The following CACNA2D3 variants were observed in gnomAD, a reference collection of about 807,000 sequenced individuals.
CACNA2D3 encodes calcium voltage-gated channel auxiliary subunit alpha2delta 3, also known as voltage-dependent calcium channel subunit alpha-2/delta-3.
Under a neutral mutation model 160.6 loss-of-function variants are expected in CACNA2D3, and 60 were observed. The ratio of observed to expected loss-of-function variants is 0.37; its 90% CI spans 0.30 to 0.46. The LOEUF (loss-of-function observed/expected upper bound fraction) is 0.46, where lower values mean the gene tolerates loss of function less well. Among genes scored for constraint, CACNA2D3 ranks in the 20% least tolerant of loss-of-function variants. The pLI is 1.00. For synonymous variants in CACNA2D3, 558 were observed against 492.9 expected, an observed-to-expected ratio of 1.13 and a Z score of -1.75; for missense variants, 1,205 against 1,365.0, an observed-to-expected ratio of 0.88 and a Z score of 1.85.
intron 2 of CACNA2D3, among the ~76,000 whole-genome samples, chr3:54,261,237 T>A (rs1702394958): frequency 6.6e-6 from 1 of 152,248 alleles, no homozygotes; most frequent in African/African-American, 2.4e-5. Context: ...ACATGGATGC[T>A]TTGATTCTTA....
chr3:54,184,587 C>T (rs1171429117), intron 2 of CACNA2D3, among the ~76,000 whole-genome samples: 2 of 152,214 alleles, frequency 1.3e-5, no homozygotes, highest in Admixed American at 6.5e-5. Flanking sequence ...TCATCTTTCC[C>T]TTGCCTTCAT....
chr3:54,375,028 A>G (rs1478900256), intron 3 of CACNA2D3, among the ~76,000 whole-genome samples: 1 of 151,996 alleles, frequency 6.6e-6, no homozygotes, highest in East Asian at 1.9e-4. Context: ...TTGCCACTGT[A>G]CTTGCAGTTC....
chr3:54,413,729 C>T (rs1009134892), intron 4 of CACNA2D3, among the ~76,000 whole-genome samples: 3 of 150,984 alleles, frequency 2.0e-5, no homozygotes, highest in African/African-American at 7.3e-5. Context: ...ATTTTTAGTT[C>T]CTGGATTTTC....
chr3:54,394,108 A>C (rs1273590469), intron 4 of CACNA2D3, among the ~76,000 whole-genome samples: 1 of 151,934 alleles, frequency 6.6e-6, no homozygotes, highest in South Asian at 2.1e-4. Flanking sequence ...CTGGTTCCCA[A>C]ATTGCAGCTT....
At chr3:54,776,516 A>G (rs1375458942) in intron 13 of CACNA2D3, among the ~76,000 whole-genome samples, 1 of 152,136 alleles carries the variant, frequency 6.6e-6, no homozygotes, top group Non-Finnish European at 1.5e-5. Flanking sequence ...CCCTGTCTCC[A>G]ATTTAAAAAA....
intron 35 of CACNA2D3, among the ~76,000 whole-genome samples, chr3:55,024,132 G>T (rs1169613275): frequency 7.2e-6 from 1 of 138,902 alleles, no homozygotes; most frequent in Non-Finnish European, 1.5e-5. Context: ...CAGGAGCCTT[G>T]GAAGCAATGG....
intron 3 of CACNA2D3, among the ~76,000 whole-genome samples, chr3:54,326,577 A>G (rs760161448): frequency 6.6e-6 from 1 of 152,258 alleles, no homozygotes; most frequent in Non-Finnish European, 1.5e-5. Flanking sequence ...AAAGGATTAC[A>G]TTGGAAATGA....
chr3:54,759,531 C>A (rs551544959), intron 12 of CACNA2D3, among the ~76,000 whole-genome samples: 2 of 150,130 alleles, frequency 1.3e-5, no homozygotes, highest in Non-Finnish European at 3.0e-5. Context: ...GAGTTGGAAT[C>A]AAATGTGCAT....
At chr3:54,876,665 C>T in intron 18 of CACNA2D3, among the ~76,000 whole-genome samples, 1 of 152,206 alleles carries the variant, frequency 6.6e-6, no homozygotes, top group East Asian at 1.9e-4. Context: ...AGGCAGAGGC[C>T]TCGTTACCCT....
At chr3:54,939,875 T>C (rs918894678) in intron 27 of CACNA2D3, among the ~76,000 whole-genome samples, 3 of 152,202 alleles carry the variant, frequency 2.0e-5, no homozygotes, top group African/African-American at 7.2e-5. Context: ...CCATGCTTGC[T>C]TTAGAGCATC....
intron 2 of CACNA2D3, among the ~76,000 whole-genome samples, chr3:54,287,142 A>G (rs993802007): frequency 2.6e-5 from 4 of 151,926 alleles, no homozygotes; most frequent in Admixed American, 1.3e-4. Context: ...CAAATTGGAT[A>G]AAGAGTCAAG....
chr3:54,844,932 C>T (rs1261068807), intron 16 of CACNA2D3, among the ~76,000 whole-genome samples: 1 of 152,112 alleles, frequency 6.6e-6, no homozygotes, highest in Admixed American at 6.5e-5. Context: ...AAAAGCCAAA[C>T]TCTCAAGATT....
intron 13 of CACNA2D3, among the ~76,000 whole-genome samples, chr3:54,812,273 C>G (rs1703337472): frequency 2.6e-5 from 4 of 152,146 alleles, no homozygotes; most frequent in African/African-American, 9.7e-5. Flanking sequence ...ATTAGGGTTT[C>G]TGGTACTGAA....
At chr3:54,688,043 T>C (rs2106927378) in intron 11 of CACNA2D3, among the ~76,000 whole-genome samples, 1 of 152,342 alleles carries the variant, frequency 6.6e-6, no homozygotes, top group South Asian at 2.1e-4. Flanking sequence ...TTAGTGATAT[T>C]ATTTCCTTCT....
intron 9 of CACNA2D3, among the ~76,000 whole-genome samples, chr3:54,622,154 T>A (rs1699001673): frequency 6.6e-6 from 1 of 152,170 alleles, no homozygotes; most frequent in Non-Finnish European, 1.5e-5. Flanking sequence ...TGCTTTCCCA[T>A]CCTCATTTCA....
intron 2 of CACNA2D3, among the ~76,000 whole-genome samples, chr3:54,279,067 C>G (rs1268907566): frequency 6.6e-6 from 1 of 152,154 alleles, no homozygotes; most frequent in Non-Finnish European, 1.5e-5. Context: ...GATCCTGCGA[C>G]GATACCTAAT....
At chr3:54,508,296 A>T (rs1701404635) in intron 5 of CACNA2D3, among the ~76,000 whole-genome samples, 1 of 152,194 alleles carries the variant, frequency 6.6e-6, no homozygotes, top group South Asian at 2.1e-4. Flanking sequence ...GAAGAGAGCC[A>T]CTGAAGAATA....
At chr3:54,287,813 C>T (rs1435637156) in intron 2 of CACNA2D3, among the ~76,000 whole-genome samples, 1 of 149,608 alleles carries the variant, frequency 6.7e-6, no homozygotes, top group East Asian at 2.0e-4. Flanking sequence ...GAACAACCTG[C>T]TCCTGAATGA....
chr3:54,731,348 CTT>C (rs1701380964), intron 11 of CACNA2D3, among the ~76,000 whole-genome samples: 1 of 152,202 alleles, frequency 6.6e-6, no homozygotes, highest in African/African-American at 2.4e-5. Context: ...ATAATTGACA[CTT>C]GACTGTATCC....
Sources: gnomAD v4.1 joint callset for allele counts (sites outside exome capture counted in the v4.1 genomes callset) on GRCh38, gnomAD v4.1.1 for gene constraint, MANE v1.5 for transcripts, NCBI Gene and HGNC (gene_info 2026-07-23, HGNC 2026-07-21) for gene names.